The following AJM1 variants were observed in gnomAD, a reference collection of about 807,000 sequenced individuals.
The protein encoded by AJM1 is apical junction component 1 homolog.
AJM1 carries 22 observed loss-of-function variants against 43.0 expected under a neutral mutation model. The observed-to-expected ratio is 0.51, with a 90% CI of 0.37 to 0.73. AJM1 has a LOEUF of 0.73. Ranked by LOEUF, AJM1 falls within the 30% of genes least tolerant of loss-of-function variation. The pLI is 0.00. For missense variants in AJM1, 1,305 were observed against 1,343.3 expected, an observed-to-expected ratio of 0.97 and a Z score of 0.45; for synonymous variants, 719 against 638.3, an observed-to-expected ratio of 1.13 and a Z score of -1.91.
Position 136,846,261 on chromosome 9 carries a change from C to T in AJM1, c.1847C>T (p.Ser616Leu), listed in dbSNP as rs1006834034. 7.6e-7 allele frequency: 1 copy of T among 1,321,688 alleles called. No homozygotes were observed. The highest frequency in any genetic ancestry group is 9.7e-7 in the Non-Finnish European group (1 of 1,028,104). 81.9% of individuals were successfully genotyped at this position (1,321,688 alleles called of 1,614,324 possible). A position where few individuals can be genotyped will look rare whatever the true frequency, so the allele number is the denominator to read the frequency against. ...CCCCAACTGCGCCGACTGCTGGACTCGCGGCCCGCGGGCTCCGGGGCCCCC... is the reference window on the plus strand; with the variant it reads ...CCCCAACTGCGCCGACTGCTGGACTTGCGGCCCGCGGGCTCCGGGGCCCCC... ...LGPQLRRLLDSRPAGSGAPAL... is the reference protein window; with the variant it reads ...LGPQLRRLLDLRPAGSGAPAL... Residue 616 changes from serine to leucine, a missense_variant, in exon 3 of 3, where the codon TCG (serine) becomes TTG (leucine). Around this residue, in one of 6 missense-constraint regions of AJM1, gnomAD observed 391 missense variants for 507.5 expected, o/e 0.77. Coordinates refer to ENST00000436881, the MANE Select transcript of AJM1 (RefSeq NM_001080482.5).
At position 136,845,835 on chromosome 9, in the gene AJM1, G is replaced by C. The variant is rs1848766373; in HGVS notation, c.1421G>C (p.Gly474Ala). ...GGCCGCAGCTACGAGAACCTGCTGG[G>C]GCGCGAGGTGCGGGAGCCGCGAGGC... The part of the protein sequence containing the change: ...GRGRSYENLL[G>A]REVREPRGVS... The change falls in exon 3 of 3, where the codon GGG becomes GCG. Residue 474 changes from glycine to alanine, a missense_variant. Coordinates refer to ENST00000436881, the MANE Select transcript of AJM1 (RefSeq NM_001080482.5). 6.4e-7 allele frequency: 1 copy of C among 1,560,082 alleles called. No homozygotes were observed. The highest frequency in any genetic ancestry group is 1.4e-5 in the African/African-American group (1 of 73,388).
chr9:136,846,608 G>A lies in AJM1; in HGVS notation c.2194G>A (p.Val732Met). 1 of 1,593,214 alleles carries A rather than the reference G, an allele frequency of 6.3e-7. No individual in the cohort carries two copies. ...GCAGTTTTGCCGCGACAGCGGCCCG[G>A]TGCACCGCGCTTTCTCGCGCATCGC... ...VLQFCRDSGP[V>M]HRAFSRIARV... Residue 732 changes from valine (V) to methionine (M), a missense_variant, in exon 3 of 3, where the codon GTG (valine) becomes ATG (methionine). Val to Met is a conservative substitution (Grantham distance 21). Transcript: ENST00000436881.
In AJM1 at chr9:136,846,220, GGCCGACTGCCTGGGCCCCCAACTGC is replaced by G. The variant is rs1848772712; in HGVS notation, c.1816_1840del (p.Leu606TrpfsTer49). 5 of 1,488,830 alleles carry G rather than the reference GGCCGACTGCCTGGGCCCCCAACTGC, an allele frequency of 3.4e-6. No individual in the cohort carries two copies. Among genetic ancestry groups the G allele is most frequent in the Non-Finnish European group, 4.4e-6 (5 of 1,127,334 alleles). 92.2% of individuals were successfully genotyped at this position (1,488,830 alleles called of 1,614,324 possible). ...CCGCCGGCCAGGCCTCAGAGCCCGC[GGCCGACTGCCTGGGCCCCCAACTGC>G]GCCGACTGCTGGACTCGCGGCCCGC... is the stretch of plus-strand genomic sequence containing the variant. On this transcript the variant is annotated frameshift_variant, in exon 3 of 3. Transcript: ENST00000436881. LOFTEE classifies it high-confidence loss of function.
At position 136,847,351 on chromosome 9, in the gene AJM1, C is replaced by G. The variant is rs1182440413; in HGVS notation, c.*6C>G. 1 of 1,504,776 alleles carries G rather than the reference C, an allele frequency of 6.6e-7. No individual in the cohort carries two copies. Among genetic ancestry groups the G allele is most frequent in the Non-Finnish European group, 8.9e-7 (1 of 1,128,952 alleles). 93.2% of individuals were successfully genotyped at this position (1,504,776 alleles called of 1,614,324 possible). On this transcript the variant is annotated 3_prime_UTR_variant, in exon 3 of 3. Transcript: ENST00000436881. The stretch of plus-strand genomic sequence containing the variant: ...TGCTGGACGACATCATGTGAGGCGC[C>G]GGGCCCACCAGGCCTAGCCCAGGCG...
rs577773584 is a variant in AJM1, at chr9:136,843,904, G to A, written c.-143-292G>A. Reference sequence around the variant, plus strand: ...GGGCGCAGTCACTGACGTCTCCTGGGGCAACACCTATAAATAAGGCCCAAA... The same window carrying A: ...GGGCGCAGTCACTGACGTCTCCTGGAGCAACACCTATAAATAAGGCCCAAA... On this transcript the variant is annotated intron_variant, in intron 1 of 2. Transcript: ENST00000436881. Among the ~76,000 whole-genome samples the A allele has an allele frequency of 3.9e-5, 6 of 152,284 alleles. No individual in the cohort carries two copies. In the East Asian group the frequency reaches 1.2e-3, roughly 29 times the overall value.
chr9:136,842,945 T>C (rs1848722902), intron 1 of AJM1, among the ~76,000 whole-genome samples: 1 of 149,712 alleles, frequency 6.7e-6, no homozygotes, highest in African/African-American at 2.5e-5. Context: ...GCCTTGAGCT[T>C]AGCATGAAAG....
Position 136,844,691 on chromosome 9 carries a change from T to A in AJM1, c.277T>A (p.Ser93Thr). 7.9e-7 allele frequency: 1 copy of A among 1,262,330 alleles called. No individual in the cohort carries two copies. The highest frequency in any genetic ancestry group is 1.0e-6 in the Non-Finnish European group (1 of 973,084). 78.2% of individuals were successfully genotyped at this position (1,262,330 alleles called of 1,614,324 possible). A position where few individuals can be genotyped will look rare whatever the true frequency, so the allele number is the denominator to read the frequency against. The change falls in exon 3 of 3, where the codon TCC (serine) becomes ACC (threonine). Residue 93 changes from serine to threonine, a missense_variant. Physicochemically the swap from Ser to Thr is moderately conservative, Grantham distance 58. Coordinates refer to ENST00000436881, the MANE Select transcript of AJM1 (RefSeq NM_001080482.5). ...REAEPRRRAR[S>T]KSAPRAPPGL... is the part of the protein sequence containing the mutation. Reference sequence around the variant, plus strand: ...AGCCGAGCCACGCCGCCGCGCCCGCTCCAAGAGTGCGCCCCGCGCGCCCCC... The same window carrying A: ...AGCCGAGCCACGCCGCCGCGCCCGCACCAAGAGTGCGCCCCGCGCGCCCCC...
chr9:136,846,985 C>A lies in AJM1; in HGVS notation c.2571C>A (p.Pro857=). ...FAKVALAAGS[P]ARPPPARSRE... ...AGGTAGCGCTGGCGGCCGGCAGCCC[C>A]GCGCGGCCGCCCCCGGCGCGGAGCC... The change falls in exon 3 of 3, where the codon CCC becomes CCA. Residue 857 remains proline, a synonymous_variant. Transcript: ENST00000436881. The A allele has an allele frequency of 8.1e-7, 1 of 1,233,898 alleles. No individual in the cohort carries two copies. The highest frequency in any genetic ancestry group is 1.1e-6 in the Non-Finnish European group (1 of 941,312). The allele number at this position is 1,233,898 out of a possible 1,614,324, so 76.4% of individuals were successfully genotyped here.
At position 136,844,849 on chromosome 9, in the gene AJM1, G is replaced by C. The variant is rs769547611; in HGVS notation, c.435G>C (p.Glu145Asp). The change falls in exon 3 of 3, where the codon GAG (glutamate) becomes GAC (aspartate). Residue 145 changes from glutamate (E) to aspartate (D), a missense_variant. Around this residue, in one of 6 missense-constraint regions of AJM1, gnomAD observed 653 missense variants for 549.1 expected, o/e 1.19. Coordinates refer to ENST00000436881, the MANE Select transcript of AJM1 (RefSeq NM_001080482.5). ...AYPALRALAN[E>D]LHPIKLQPQR... ...CGGCGCTCCGCGCCCTTGCCAACGA[G>C]CTGCATCCCATCAAGTTGCAGCCGC... The C allele has an allele frequency of 1.7e-5, 4 of 238,960 alleles. No homozygotes were observed. The South Asian group carries it at 2.2e-4, about 13-fold the overall frequency. 14.8% of individuals were successfully genotyped at this position (238,960 alleles called of 1,614,324 possible). A position where few individuals can be genotyped will look rare whatever the true frequency, so the allele number is the denominator to read the frequency against.
Position 136,846,138 on chromosome 9 carries a change from G to T in AJM1, c.1724G>T (p.Arg575Leu). The T allele has an allele frequency of 6.5e-7, 1 of 1,529,190 alleles. No homozygotes were observed. The highest frequency in any genetic ancestry group is 8.7e-7 in the Non-Finnish European group (1 of 1,143,574). 94.7% of individuals were successfully genotyped at this position (1,529,190 alleles called of 1,614,324 possible). A position where few individuals can be genotyped will look rare whatever the true frequency, so the allele number is the denominator to read the frequency against. Reference sequence around the variant, plus strand: ...GACGGCCCCACCTCTGGCCGCCAGCGGAGCCTAGAGCAGCTGGACGAGCTC... The same window carrying T: ...GACGGCCCCACCTCTGGCCGCCAGCTGAGCCTAGAGCAGCTGGACGAGCTC... ...APDGPTSGRQ[R>L]SLEQLDELIT... is the part of the protein sequence containing the mutation. The change falls in exon 3 of 3, where the codon CGG becomes CTG. Residue 575 changes from arginine (R) to leucine (L), a missense_variant. Physicochemically the swap from Arg to Leu is moderately radical, Grantham distance 102 (BLOSUM62 -2). This residue lies in a region of AJM1 where 391 missense variants were observed against 507.5 expected (regional missense o/e 0.77). Transcript: ENST00000436881.
chr9:136,845,016 C>A lies in AJM1; in HGVS notation c.602C>A (p.Thr201Asn). ...GACGACGCAGTGCTCCAGCACGCCA[C>A]CCGGGGCTCGCGGTCCTGCGGGCCC... ...KPDDAVLQHA[T>N]RGSRSCGPTE... is the part of the protein sequence containing the mutation. Residue 201 changes from threonine (T) to asparagine (N), a missense_variant, in exon 3 of 3, where the codon ACC (threonine) becomes AAC (asparagine). This residue lies in a region of AJM1 where 653 missense variants were observed against 549.1 expected (regional missense o/e 1.19). Transcript: ENST00000436881. 1 of 684,024 alleles carries A rather than the reference C, an allele frequency of 1.5e-6. No homozygotes were observed. Among genetic ancestry groups the A allele is most frequent in the South Asian group, 1.6e-5 (1 of 61,130 alleles). 42.4% of individuals were successfully genotyped at this position (684,024 alleles called of 1,614,324 possible). A position where few individuals can be genotyped will look rare whatever the true frequency, so the allele number is the denominator to read the frequency against.
At position 136,847,330 on chromosome 9, in the gene AJM1, G is replaced by T; in HGVS notation, c.2916G>T (p.Leu972=). Reference sequence around the variant, plus strand: ...ACTGGGTGGCCAGCGCCAACCTGCTGGACGACATCATGTGAGGCGCCGGGC... The same window carrying T: ...ACTGGGTGGCCAGCGCCAACCTGCTTGACGACATCATGTGAGGCGCCGGGC... ...ALDWVASANL[L]DDIM is the part of the protein sequence containing the mutation. The change falls in exon 3 of 3, where the codon CTG becomes CTT. Residue 972 remains leucine, a synonymous_variant. Transcript: ENST00000436881. The T allele has an allele frequency of 1.3e-6, 2 of 1,523,556 alleles. No homozygotes were observed. Among genetic ancestry groups the T allele is most frequent in the Non-Finnish European group, 1.8e-6 (2 of 1,139,024 alleles). 94.4% of individuals were successfully genotyped at this position (1,523,556 alleles called of 1,614,324 possible).
In AJM1 at chr9:136,846,974, G is replaced by A; in HGVS notation, c.2560G>A (p.Ala854Thr). Reference protein sequence around the residue: ...VRKFAKVALAAGSPARPPPAR... With the variant: ...VRKFAKVALATGSPARPPPAR... Reference sequence around the variant, plus strand: ...CAAGTTCGCCAAGGTAGCGCTGGCGGCCGGCAGCCCCGCGCGGCCGCCCCC... The same window carrying A: ...CAAGTTCGCCAAGGTAGCGCTGGCGACCGGCAGCCCCGCGCGGCCGCCCCC... The change falls in exon 3 of 3, where the codon GCC becomes ACC. Residue 854 changes from alanine to threonine, a missense_variant. Physicochemically the swap from Ala to Thr is moderately conservative, Grantham distance 58. Coordinates refer to ENST00000436881, the MANE Select transcript of AJM1 (RefSeq NM_001080482.5). 1 of 1,275,472 alleles carries A rather than the reference G, an allele frequency of 7.8e-7. No individual in the cohort carries two copies. Among genetic ancestry groups the A allele is most frequent in the Non-Finnish European group, 1.0e-6 (1 of 973,686 alleles). 79.0% of individuals were successfully genotyped at this position (1,275,472 alleles called of 1,614,324 possible). A position where few individuals can be genotyped will look rare whatever the true frequency, so the allele number is the denominator to read the frequency against.
Position 136,846,330 on chromosome 9 carries a change from C to T in AJM1, c.1916C>T (p.Ala639Val). 7.8e-7 allele frequency: 1 copy of T among 1,289,230 alleles called. No individual in the cohort carries two copies. Among genetic ancestry groups the T allele is most frequent in the African/African-American group, 1.6e-5 (1 of 64,362 alleles). 79.9% of individuals were successfully genotyped at this position (1,289,230 alleles called of 1,614,324 possible). Residue 639 changes from alanine (A) to valine (V), a missense_variant, in exon 3 of 3, where the codon GCC becomes GTC. Around this residue, in one of 6 missense-constraint regions of AJM1, gnomAD observed 391 missense variants for 507.5 expected, o/e 0.77. Coordinates refer to ENST00000436881, the MANE Select transcript of AJM1 (RefSeq NM_001080482.5). ...PRSPPASAGS[A>V]EEPAAPGEAA... is the part of the protein sequence containing the mutation. Reference sequence around the variant, plus strand: ...TCGCCCCCCGCCTCGGCCGGCAGCGCCGAGGAGCCCGCGGCCCCGGGAGAG... The same window carrying T: ...TCGCCCCCCGCCTCGGCCGGCAGCGTCGAGGAGCCCGCGGCCCCGGGAGAG...
rs1270480575 is a variant in AJM1 at position 136,845,328 on chromosome 9, A to G, written c.914A>G (p.Tyr305Cys). 15 of 1,612,198 alleles carry G rather than the reference A, an allele frequency of 9.3e-6. No individual in the cohort carries two copies. The highest frequency in any genetic ancestry group is 1.2e-5 in the Non-Finnish European group (14 of 1,179,804). Residue 305 changes from tyrosine to cysteine, a missense_variant, in exon 3 of 3, where the codon TAC becomes TGC. Tyr to Cys is a radical substitution (Grantham distance 194). This residue lies in a region of AJM1 where 653 missense variants were observed against 549.1 expected (regional missense o/e 1.19). Transcript: ENST00000436881. Reference protein sequence around the residue: ...AASPGPTFDAYYPRPYPSEEL... With the variant: ...AASPGPTFDACYPRPYPSEEL... ...AGTCCCGGCCCAACCTTCGACGCCT[A>G]CTACCCCAGGCCCTATCCGTCCGAG...
rs777786024 is a variant in AJM1 at position 136,845,245 on chromosome 9, C to T, written c.831C>T (p.Gly277=). 1.4e-5 allele frequency: 23 copies of T among 1,601,342 alleles called. No individual in the cohort carries two copies. The highest frequency in any genetic ancestry group is 2.0e-5 in the Non-Finnish European group (23 of 1,178,336). The change falls in exon 3 of 3, where the codon GGC becomes GGT. Residue 277 remains glycine, a synonymous_variant. Transcript: ENST00000436881. ...GTCTGCCCTTCACCACCCCGCCGGG[C>T]CCCACCCAGTTCTTCTATACAGAGG... is the stretch of plus-strand genomic sequence containing the variant. ...RRSLPFTTPP[G]PTQFFYTEEP... is the part of the protein sequence containing the mutation.
chr9:136,846,439 C>T lies in AJM1; in HGVS notation c.2025C>T (p.Thr675=), dbSNP rs755255594. 25 of 1,593,282 alleles carry T rather than the reference C, an allele frequency of 1.6e-5. No individual in the cohort carries two copies. Among genetic ancestry groups the T allele is most frequent in the Non-Finnish European group, 2.0e-5 (23 of 1,178,058 alleles). ...ATGCGCGCTGCCGGCGCACCGAGACCATGTTCAACGCCTGCCTCTACTTCA... is the reference window on the plus strand; with the variant it reads ...ATGCGCGCTGCCGGCGCACCGAGACTATGTTCAACGCCTGCCTCTACTTCA... ...CSNARCRRTE[T]MFNACLYFKS... The change falls in exon 3 of 3, where the codon ACC becomes ACT. Residue 675 remains threonine (T), a synonymous_variant. Coordinates refer to ENST00000436881, the MANE Select transcript of AJM1 (RefSeq NM_001080482.5).
At chr9:136,844,332 GC>G (rs1564377161) in intron 2 of AJM1, 23 bp from the exon 3 acceptor site, 2 of 1,195,834 alleles carry the variant, frequency 1.7e-6, no homozygotes, top group Non-Finnish European at 1.2e-6. Context: ...GGAGGGGGCC[GC>G]CCTGACCCGC....
rs773427299 is a variant in AJM1 at position 136,847,150 on chromosome 9, C to G, written c.2736C>G (p.Phe912Leu). The change falls in exon 3 of 3, where the codon TTC (phenylalanine) becomes TTG (leucine). Residue 912 changes from phenylalanine (F) to leucine (L), a missense_variant. Physicochemically the swap from Phe to Leu is conservative, Grantham distance 22. Transcript: ENST00000436881. ...GCGAGCTGCGGCTGCGCGGCGTCTT[C>G]CTGCGCCACGAGTTCCCGCGCGTCT... ...IQRELRLRGV[F>L]LRHEFPRVYE... 1.3e-5 allele frequency: 21 copies of G among 1,599,520 alleles called. 1 individual carries two copies. In the South Asian group the frequency reaches 2.2e-4, roughly 17 times the overall value.
Sources: gnomAD v4.1 joint callset for allele counts (sites outside exome capture counted in the v4.1 genomes callset) on GRCh38, gnomAD v4.1.1 for gene constraint, gnomAD v4.1.1 regional missense constraint, MANE v1.5 for transcripts, NCBI Gene and HGNC (gene_info 2026-07-23, HGNC 2026-07-21) for gene names.